Variants in INPP5A observed in about 807,000 individuals in gnomAD.
The protein encoded by INPP5A is 43 kDa inositol polyphosphate 5-phophatase.
Under a neutral mutation model 65.2 loss-of-function variants are expected in INPP5A, and 14 were observed. The ratio of observed to expected loss-of-function variants is 0.21; its 90% confidence interval spans 0.14 to 0.34. The LOEUF (loss-of-function observed/expected upper bound fraction) is 0.34, where lower values mean the gene tolerates loss of function less well. Ranked by LOEUF, INPP5A falls within the 10% of genes least tolerant of loss-of-function variation. INPP5A has a pLI of 1.00. For synonymous variants in INPP5A, 207 were observed against 208.3 expected, an observed-to-expected ratio of 0.99 and a Z score of 0.05; for missense variants, 431 against 545.6, an observed-to-expected ratio of 0.79 and a Z score of 2.09.
intron 1 of INPP5A, among the ~76,000 whole-genome samples, chr10:132,597,502 T>G (rs2071718452): frequency 6.6e-6 from 1 of 152,264 alleles, no homozygotes; most frequent in Non-Finnish European, 1.5e-5. Flanking sequence ...ATATTGTTAT[T>G]TCAGTTGTGA....
At chr10:132,618,514 T>C (rs1418059244) in intron 2 of INPP5A, among the ~76,000 whole-genome samples, 2 of 152,270 alleles carry the variant, frequency 1.3e-5, no homozygotes, top group Non-Finnish European at 2.9e-5. Context: ...TTTCACAGTT[T>C]TTCCTGATGG....
intron 1 of INPP5A, among the ~76,000 whole-genome samples, chr10:132,569,017 G>A (rs2071306415): frequency 6.6e-6 from 1 of 150,914 alleles, no homozygotes; most frequent in Non-Finnish European, 1.5e-5. Flanking sequence ...TTGGATTCGA[G>A]CGATTCTCCT....
intron 13 of INPP5A, among the ~76,000 whole-genome samples, chr10:132,779,744 G>A (rs987698529): frequency 6.6e-5 from 10 of 152,186 alleles, no homozygotes; most frequent in Admixed American, 1.3e-4. Flanking sequence ...GGCGCCGGGC[G>A]CGCTCCGCAG....
chr10:132,698,582 C>T lies in INPP5A; in HGVS notation c.474+663C>T, dbSNP rs756698462. On this transcript the variant is annotated intron_variant, in intron 6 of 15. Transcript: ENST00000368594. The surrounding 1 kb of genome is among the most constrained non-coding windows in gnomAD (Gnocchi z 5.5). Reference sequence around the variant, plus strand: ...TAAACCTCACACGCGGCATTGTCGGCGTCTCCCTGGCTGTGTAGTTAACCT... The same window carrying T: ...TAAACCTCACACGCGGCATTGTCGGTGTCTCCCTGGCTGTGTAGTTAACCT... 1.3e-5 allele frequency among the ~76,000 whole-genome samples: 2 copies of T among 152,204 alleles called. No homozygotes were observed. Among genetic ancestry groups the T allele is most frequent in the East Asian group, 1.9e-4 (1 of 5,196 alleles).
rs377749280 is a variant in INPP5A, at chr10:132,552,073, G to T, written c.75+13902G>T. On this transcript the variant is annotated intron_variant, in intron 1 of 15. Coordinates refer to ENST00000368594, the MANE Select transcript of INPP5A (RefSeq NM_005539.5). ...CATTCACTCGGGAGCATTTATGGGC[G>T]CATTCTCAGAGCCTTGGTGAAGTTG... 2.5e-3 allele frequency among the ~76,000 whole-genome samples: 379 copies of T among 152,370 alleles called. 1 individual carries two copies. Among genetic ancestry groups the T allele is most frequent in the South Asian group, 0.011 (53 of 4,828 alleles).
chr10:132,739,478 C>T (rs1548281), intron 9 of INPP5A, among the ~76,000 whole-genome samples: 24,540 of 152,254 alleles, frequency 0.16, 2,415 homozygotes, highest in Non-Finnish European at 0.22. Flanking sequence ...CCCAGCCTGT[C>T]GAGCCTGGAG....
chr10:132,726,981 C>CACGCT, intron 9 of INPP5A, 76 bp downstream of exon 9: 2 of 985,098 alleles, frequency 2.0e-6, no homozygotes, highest in South Asian at 1.8e-5. Context: ...GGAGCGTGGC[C>CACGCT]CCTTACTGGC....
chr10:132,632,519 C>T (rs1392180122), intron 2 of INPP5A, among the ~76,000 whole-genome samples: 1 of 152,176 alleles, frequency 6.6e-6, no homozygotes, highest in Non-Finnish European at 1.5e-5. Flanking sequence ...GAGGCAGGAA[C>T]CAGGCCCCAG....
chr10:132,779,627 A>C (rs1404663636), intron 13 of INPP5A, among the ~76,000 whole-genome samples: 2 of 152,156 alleles, frequency 1.3e-5, no homozygotes, highest in African/African-American at 4.8e-5. Context: ...GCCTCACAAC[A>C]CACACCTGGC....
chr10:132,766,087 AGT>A (rs199922938), intron 12 of INPP5A, among the ~76,000 whole-genome samples: 13 of 151,506 alleles, frequency 8.6e-5, no homozygotes, highest in South Asian at 2.1e-4. Flanking sequence ...CATGTGCACG[AGT>A]GTGTGTGCAC....
rs562088103 is a variant in INPP5A, at chr10:132,731,807, G to A, written c.732+4902G>A. On this transcript the variant is annotated intron_variant, in intron 9 of 15. Transcript: ENST00000368594. ...CGAATCGGCAGAAGGAAAGCCGCATGTGCTCTGTGGTTATCACCGAGGCAT... is the reference window on the plus strand; with the variant it reads ...CGAATCGGCAGAAGGAAAGCCGCATATGCTCTGTGGTTATCACCGAGGCAT... Among the ~76,000 whole-genome samples the A allele has an allele frequency of 1.1e-4, 17 of 152,356 alleles. No homozygotes were observed. In the South Asian group the frequency reaches 2.1e-3, roughly 19 times the overall value.
At chr10:132,746,857 G>GA (rs1318719218) in intron 9 of INPP5A, among the ~76,000 whole-genome samples, 1 of 152,240 alleles carries the variant, frequency 6.6e-6, no homozygotes, top group Admixed American at 6.5e-5. Context: ...GAGTGGCCAC[G>GA]ACTTTGCTGG....
chr10:132,598,599 C>T (rs1357988569), intron 1 of INPP5A, among the ~76,000 whole-genome samples: 1 of 152,230 alleles, frequency 6.6e-6, no homozygotes, highest in African/African-American at 2.4e-5. Flanking sequence ...TGTGGATAGA[C>T]CACAATTGTA....
intron 2 of INPP5A, among the ~76,000 whole-genome samples, chr10:132,639,549 A>G (rs1181854352): frequency 6.6e-6 from 1 of 152,190 alleles, no homozygotes; most frequent in Admixed American, 6.5e-5. Context: ...CTTTGAATTT[A>G]TCTTGTTATT....
chr10:132,670,572 G>A (rs978588963), intron 4 of INPP5A, among the ~76,000 whole-genome samples: 1 of 150,952 alleles, frequency 6.6e-6, no homozygotes, highest in African/African-American at 2.4e-5. Context: ...TTGCTGGGGG[G>A]AGAGTGGTTG....
intron 1 of INPP5A, among the ~76,000 whole-genome samples, chr10:132,577,106 G>C (rs570341806): frequency 1.5e-4 from 23 of 152,232 alleles, no homozygotes; most frequent in Non-Finnish European, 3.1e-4. Context: ...AGGCTCAGCA[G>C]AATGAAGGGG....
intron 1 of INPP5A, 103 bp from the exon 2 acceptor site, chr10:132,607,812 C>CCTCTGCTCCTGCCCCACG: frequency 8.4e-7 from 1 of 1,185,876 alleles, no homozygotes; most frequent in Non-Finnish European, 1.2e-6. Context: ...CCGGGCTGCG[C>CCTCTGCTCCTGCCCCACG]CTCTGCTCCT....
intron 3 of INPP5A, among the ~76,000 whole-genome samples, 191 bp downstream of exon 3, chr10:132,646,159 C>T (rs917418805): frequency 6.6e-6 from 1 of 152,154 alleles, no homozygotes. Context: ...CTTGGGGCGG[C>T]GACAGAAGGC....
In INPP5A at chr10:132,706,053, G is replaced by C. The variant is rs992867358; in HGVS notation, c.475-2260G>C. On this transcript the variant is annotated intron_variant, in intron 6 of 15. Coordinates refer to ENST00000368594, the MANE Select transcript of INPP5A (RefSeq NM_005539.5). This position sits in a 1 kb window ranked among gnomAD's most constrained non-coding sequence, Gnocchi z 4.7. ...TAAAACAGAAATAAAACAAGAAAAG[G>C]GAATATGAAGAGGAGCCTGTAGAAA... Among the ~76,000 whole-genome samples the C allele has an allele frequency of 6.6e-6, 1 of 152,134 alleles. No individual in the cohort carries two copies. The highest frequency in any genetic ancestry group is 1.5e-5 in the Non-Finnish European group (1 of 68,024).
Sources: gnomAD v4.1 joint callset for allele counts (sites outside exome capture counted in the v4.1 genomes callset) on GRCh38, gnomAD v4.1.1 for gene constraint, Gnocchi (gnomAD v3.1) non-coding constraint, MANE v1.5 for transcripts, NCBI Gene and HGNC (gene_info 2026-07-23, HGNC 2026-07-21) for gene names.